Variants in ADAMTS16 observed in about 807,000 individuals in gnomAD.
ADAMTS16 encodes the protein ADAM metallopeptidase with thrombospondin type 1 motif 16, also known as A disintegrin and metalloproteinase with thrombospondin motifs 16.
In ADAMTS16, 94 loss-of-function variants were observed where a neutral mutation model predicts 145.8. The ratio of observed to expected loss-of-function variants is 0.64; its 90% CI spans 0.55 to 0.77. The LOEUF is 0.77. Ranked by LOEUF, ADAMTS16 falls within the 30% of genes least tolerant of loss-of-function variation. The pLI is 0.00. For synonymous variants in ADAMTS16, 659 were observed against 604.3 expected, an observed-to-expected ratio of 1.09 and a Z score of -1.33; for missense variants, 1,585 against 1,591.5, an observed-to-expected ratio of 1.00 and a Z score of 0.07.
intron 11 of ADAMTS16, among the ~76,000 whole-genome samples, chr5:5,229,832 G>A (rs1736873502): frequency 6.6e-6 from 1 of 152,120 alleles, no homozygotes; most frequent in Non-Finnish European, 1.5e-5. Context: ...AAAGAAAAAA[G>A]AATTAGAATA....
chr5:5,311,738 G>GT (rs1001718336), intron 21 of ADAMTS16, among the ~76,000 whole-genome samples: 52 of 147,308 alleles, frequency 3.5e-4, no homozygotes, highest in African/African-American at 8.7e-4. Flanking sequence ...TTTTTTGGTT[G>GT]TTTTTTTTTT....
At chr5:5,311,492 G>A (rs1209249967) in intron 21 of ADAMTS16, among the ~76,000 whole-genome samples, 3 of 150,978 alleles carry the variant, frequency 2.0e-5, no homozygotes, top group East Asian at 1.9e-4. Context: ...CACTCCGCTC[G>A]CTGGAGCTCC....
At chr5:5,148,587 G>A (rs1235846683) in intron 3 of ADAMTS16, among the ~76,000 whole-genome samples, 1 of 152,206 alleles carries the variant, frequency 6.6e-6, no homozygotes. Flanking sequence ...CATTTGGAAG[G>A]ATTTTGCTGT....
intron 11 of ADAMTS16, among the ~76,000 whole-genome samples, chr5:5,230,296 C>A (rs1736885615): frequency 6.6e-6 from 1 of 152,082 alleles, no homozygotes; most frequent in Admixed American, 6.6e-5. Flanking sequence ...AATAAACGAA[C>A]CGTGTTTTGA....
intron 9 of ADAMTS16, among the ~76,000 whole-genome samples, chr5:5,208,869 T>A (rs1736199798): frequency 6.6e-6 from 1 of 152,210 alleles, no homozygotes. Context: ...ATCGTCTCCC[T>A]GGAACAGGTA....
Position 5,303,645 on chromosome 5 carries a change from C to T in ADAMTS16, c.3065C>T (p.Ala1022Val), listed in dbSNP as rs550504360. ...ACKSTNPSAR[A>V]QLLPDAVCTS... ...AAGAGCACCAACCCCTCGGCCAGAG[C>T]GCAGCTGCTGCCCGACGCTGTCTGC... Residue 1022 changes from alanine (A) to valine (V), a missense_variant, in exon 20 of 23, where the codon GCG becomes GTG. This residue lies in a region of ADAMTS16 where 834 missense variants were observed against 811.7 expected (regional missense o/e 1.03). Transcript: ENST00000274181. 6.8e-6 allele frequency: 11 copies of T among 1,614,092 alleles called. No homozygotes were observed. The East Asian group carries it at 8.9e-5, about 13-fold the overall frequency.
At chr5:5,227,570 C>T (rs1736806657) in intron 11 of ADAMTS16, among the ~76,000 whole-genome samples, 1 of 151,024 alleles carries the variant, frequency 6.6e-6, no homozygotes, top group Non-Finnish European at 1.5e-5. Context: ...CTTATATTTC[C>T]CCCAACCTCC....
chr5:5,256,507 C>T (rs904480312), intron 17 of ADAMTS16, among the ~76,000 whole-genome samples: 26 of 152,180 alleles, frequency 1.7e-4, no homozygotes, highest in African/African-American at 6.3e-4. Flanking sequence ...TAGATCCAGA[C>T]TTCCCTGTTA....
intron 12 of ADAMTS16, among the ~76,000 whole-genome samples, chr5:5,234,197 C>G (rs929666305): frequency 2.2e-4 from 33 of 152,362 alleles, no homozygotes; most frequent in African/African-American, 6.5e-4. Flanking sequence ...CATGCAAATT[C>G]TCTGGGGTGA....
intron 17 of ADAMTS16, among the ~76,000 whole-genome samples, chr5:5,243,921 C>T (rs1737366851): frequency 6.6e-6 from 1 of 152,186 alleles, no homozygotes; most frequent in Non-Finnish European, 1.5e-5. Flanking sequence ...TTGAGAGTTT[C>T]TGGGGGAAAT....
intron 11 of ADAMTS16, among the ~76,000 whole-genome samples, chr5:5,228,772 C>T (rs993878607): frequency 1.3e-4 from 20 of 152,182 alleles, no homozygotes; most frequent in Non-Finnish European, 2.2e-4. Flanking sequence ...ATTCAAGACC[C>T]GTGCTAGCAT....
At chr5:5,150,961 T>C (rs916967578) in intron 3 of ADAMTS16, among the ~76,000 whole-genome samples, 9 of 152,236 alleles carry the variant, frequency 5.9e-5, no homozygotes, top group African/African-American at 1.2e-4. Context: ...TTGATATGTT[T>C]AATGATGTCC....
chr5:5,317,581 A>G lies in ADAMTS16; in HGVS notation c.3412-553A>G, dbSNP rs1379226756. Among the ~76,000 whole-genome samples, 1 of 151,864 alleles carries G rather than the reference A, an allele frequency of 6.6e-6. No individual in the cohort carries two copies. Among genetic ancestry groups the G allele is most frequent in the African/African-American group, 2.4e-5 (1 of 41,316 alleles). ...AGCTAATTTTTTTTCTTTTTTTAATAGAGACGGGGTTTCATCATGTTGCCC... is the reference window on the plus strand; with the variant it reads ...AGCTAATTTTTTTTCTTTTTTTAATGGAGACGGGGTTTCATCATGTTGCCC... On this transcript the variant is annotated intron_variant, in intron 21 of 22. Transcript: ENST00000274181. This position sits in a 1 kb window ranked among gnomAD's most constrained non-coding sequence, Gnocchi z 4.5.
At chr5:5,236,861 G>C in intron 13 of ADAMTS16, 108 bp from the exon 14 acceptor site, 1 of 1,364,026 alleles carries the variant, frequency 7.3e-7, no homozygotes, top group Non-Finnish European at 9.8e-7. Context: ...TATTGTGTGG[G>C]AGTTATTTTA....
intron 3 of ADAMTS16, among the ~76,000 whole-genome samples, chr5:5,180,559 T>G (rs1735312409): frequency 6.6e-6 from 1 of 152,226 alleles, no homozygotes; most frequent in African/African-American, 2.4e-5. Flanking sequence ...CCCCTGAAGA[T>G]GGTTATTGTT....
At chr5:5,164,954 T>A (rs1478558478) in intron 3 of ADAMTS16, among the ~76,000 whole-genome samples, 1 of 152,182 alleles carries the variant, frequency 6.6e-6, no homozygotes, top group Non-Finnish European at 1.5e-5. Flanking sequence ...GTTTTCTAAA[T>A]GCTTTATTGA....
In ADAMTS16 at chr5:5,269,887, G is replaced by A. The variant is rs1390365670; in HGVS notation, c.2789+7104G>A. 6.6e-6 allele frequency among the ~76,000 whole-genome samples: 1 copy of A among 152,178 alleles called. No homozygotes were observed. The highest frequency in any genetic ancestry group is 1.5e-5 in the Non-Finnish European group (1 of 68,028). On this transcript the variant is annotated intron_variant, in intron 18 of 22. Transcript: ENST00000274181. This position sits in a 1 kb window ranked among gnomAD's most constrained non-coding sequence, Gnocchi z 4.3. The stretch of plus-strand genomic sequence containing the variant: ...AGCACTGTGTGCTGGAAGAAAAGGT[G>A]CAGTTCAGCAGCAGAGGGCCAGTCT...
chr5:5,267,010 C>T (rs562284310), intron 18 of ADAMTS16, among the ~76,000 whole-genome samples: 1 of 152,272 alleles, frequency 6.6e-6, no homozygotes, highest in East Asian at 1.9e-4. Flanking sequence ...ATCTTTGTTC[C>T]TGGTGCAGAA....
At chr5:5,222,920 G>C in intron 11 of ADAMTS16, 36 bp downstream of exon 11, 4 of 1,590,410 alleles carry the variant, frequency 2.5e-6, no homozygotes, top group Non-Finnish European at 3.5e-6. Flanking sequence ...ATCGTATTCA[G>C]ATGCTAGTCT....
Sources: allele counts gnomAD v4.1 joint callset (sites outside exome capture counted in the v4.1 genomes callset), GRCh38; gene constraint gnomAD v4.1.1; regional missense constraint gnomAD v4.1.1; non-coding constraint Gnocchi (gnomAD v3.1); transcripts MANE v1.5; gene names NCBI Gene and HGNC (gene_info 2026-07-23, HGNC 2026-07-21).